Variants in OARD1 observed in about 807,000 individuals in gnomAD.
OARD1 encodes O-acyl-ADP-ribose deacylase 1.
A neutral mutation model predicts 19.7 loss-of-function variants in OARD1; 19 were observed. That is an observed-to-expected ratio of 0.96 (90% CI 0.67 to 1.41). The LOEUF (loss-of-function observed/expected upper bound fraction) is 1.41. Ranked by LOEUF, OARD1 falls within the 40% of genes most tolerant of loss-of-function variation. The pLI, the probability that OARD1 is intolerant of heterozygous loss-of-function variation, is 0.00. For synonymous variants in OARD1, 70 were observed against 61.8 expected (o/e 1.13, Z -0.62); for missense variants, 190 against 183.8 (o/e 1.03, Z -0.20).
chr6:41,070,460 T>C (rs79590971), intron 3 of OARD1, among the ~76,000 whole-genome samples: 3,207 of 152,354 alleles, frequency 0.021, 104 homozygotes, highest in African/African-American at 0.073. Flanking sequence ...TGTAGTTTTT[T>C]ACTTGCCAAA....
At position 41,066,102 on chromosome 6, in the gene OARD1, A is replaced by C. The variant is rs1762996802; in HGVS notation, c.*1233T>G. ...ATCTTCTATGGAGGTTAAAAACACAAAAGTGGCCATCCCACTCCACCACCA... is the reference window on the plus strand; with the variant it reads ...ATCTTCTATGGAGGTTAAAAACACACAAGTGGCCATCCCACTCCACCACCA... On this transcript the variant is annotated 3_prime_UTR_variant, in exon 6 of 6. Transcript: ENST00000424266. The C allele has an allele frequency of 6.6e-6, 1 of 152,180 alleles. No individual in the cohort carries two copies. The highest frequency in any genetic ancestry group is 1.5e-5 in the Non-Finnish European group (1 of 68,048). 9.4% of individuals were successfully genotyped at this position (152,180 alleles called of 1,614,324 possible).
At chr6:41,074,725 T>C (rs1763685175), upstream of OARD1, among the ~76,000 whole-genome samples, 1 of 152,186 alleles carries the variant, frequency 6.6e-6, no homozygotes, top group African/African-American at 2.4e-5. Flanking sequence ...TTGGAAACAG[T>C]TATTATTTTG....
At chr6:41,083,269 T>G (rs534465120) in intron 1 of OARD1, among the ~76,000 whole-genome samples, 2 of 152,340 alleles carry the variant, frequency 1.3e-5, no homozygotes, top group East Asian at 3.9e-4. Context: ...TCATAGGAGC[T>G]TGAAATTTGT....
In OARD1 at chr6:41,080,771, T is replaced by C. The variant is rs575168869; in HGVS notation, c.-41-9096A>G. 4.5e-6 allele frequency: 7 copies of C among 1,545,714 alleles called. 1 individual carries two copies. The African/African-American group carries it at 5.4e-5, about 12-fold the overall frequency. On this transcript the variant is annotated intron_variant, in intron 1 of 4. Coordinates refer to the OARD1 transcript ENST00000480585. ...TCTGTGTCTTGAACTACACATTTCC[T>C]TCCTGACATATTTCAAGCTCTTCCT...
chr6:41,095,243 C>G (rs1418592792), intron 1 of OARD1, among the ~76,000 whole-genome samples: 3 of 152,200 alleles, frequency 2.0e-5, no homozygotes, highest in African/African-American at 4.8e-5. Context: ...CTTACATGCT[C>G]CAGCTCCTGT....
At chr6:41,067,471 C>T (rs371492851) in intron 5 of OARD1, 34 bp from the exon 6 acceptor site, 23 of 1,416,708 alleles carry the variant, frequency 1.6e-5, no homozygotes, top group East Asian at 1.1e-4. Context: ...TTGATGGTAA[C>T]GAAAGTATCT....
Position 41,067,436 on chromosome 6 carries a change from T to C in OARD1, c.358A>G (p.Ile120Val). Residue 120 changes from isoleucine to valine, a missense_variant and splice_region_variant, in exon 6 of 6, where the codon ATT (isoleucine) becomes GTT (valine). Ile to Val is a conservative substitution (Grantham distance 29). Transcript: ENST00000424266. ...NGVTDLSMPRIGCGLDRLQWE... is the reference protein window; with the variant it reads ...NGVTDLSMPRVGCGLDRLQWE... ...TGCAGACGATCAAGACCACATCCAA[T>C]CCTGAAAAAGACAAAATATCTCCAT... The C allele has an allele frequency of 6.2e-7, 1 of 1,609,486 alleles. No individual in the cohort carries two copies. The highest frequency in any genetic ancestry group is 1.1e-5 in the South Asian group (1 of 90,916).
upstream of OARD1, among the ~76,000 whole-genome samples, chr6:41,073,945 G>GT (rs979523206): frequency 6.6e-6 from 1 of 151,496 alleles, no homozygotes; most frequent in African/African-American, 2.4e-5. Flanking sequence ...TGTCCGGGCT[G>GT]TAAGACCAGT....
chr6:41,092,998 G>A (rs1220558564), intron 1 of OARD1: 1 of 1,614,082 alleles, frequency 6.2e-7, no homozygotes, highest in South Asian at 1.1e-5. Context: ...CTCTCTACGT[G>A]AATGCCAAAC....
chr6:41,073,508 C>T (rs1157962994), upstream of OARD1, among the ~76,000 whole-genome samples: 3 of 152,044 alleles, frequency 2.0e-5, no homozygotes, highest in Non-Finnish European at 4.4e-5. Context: ...TTAAACCTGC[C>T]CTTGCACTCT....
upstream of OARD1, among the ~76,000 whole-genome samples, chr6:41,076,499 G>A (rs1763735887): frequency 6.6e-6 from 1 of 152,206 alleles, no homozygotes; most frequent in Admixed American, 6.5e-5. Context: ...AGTTTCTGAA[G>A]AGGTTTTAGC....
At position 41,071,193 on chromosome 6, in the gene OARD1, GC is replaced by G; in HGVS notation, c.122del (p.Gly41AlafsTer4). On this transcript the variant is annotated frameshift_variant, in exon 3 of 6. Transcript: ENST00000424266. LOFTEE classifies it high-confidence loss of function. The part of the protein sequence containing the change: ...AHCISEDCRM[G>X]AGIAVLFKKK... ...TCTTAAAGAGGACAGCTATCCCAGC[GC>G]CCATGCGACAATCCTCACTGATACA... 1 of 1,614,078 alleles carries G rather than the reference GC, an allele frequency of 6.2e-7. No homozygotes were observed. Among genetic ancestry groups the G allele is most frequent in the Non-Finnish European group, 8.5e-7 (1 of 1,179,946 alleles).
chr6:41,067,562 C>T (rs975462284), intron 5 of OARD1, 125 bp from the exon 6 acceptor site: 6 of 619,136 alleles, frequency 9.7e-6, no homozygotes, highest in Non-Finnish European at 1.7e-5. Context: ...TTATGGGCAA[C>T]CATGGTAGGA....
intron 1 of OARD1, chr6:41,094,472 A>G (rs1373167696): frequency 2.5e-6 from 4 of 1,614,052 alleles, no homozygotes; most frequent in Non-Finnish European, 8.5e-7. Context: ...TTCTCTCCAA[A>G]GGAAAAGGAT....
intron 1 of OARD1, among the ~76,000 whole-genome samples, chr6:41,089,886 G>A (rs533891773): frequency 2.6e-5 from 4 of 152,316 alleles, no homozygotes; most frequent in African/African-American, 9.6e-5. Flanking sequence ...TTGAGAGGCC[G>A]AGGCAAGCTG....
rs770933579 is a variant in OARD1 at position 41,067,393 on chromosome 6, G to A, written c.401C>T (p.Ala134Val). Residue 134 changes from alanine to valine, a missense_variant, in exon 6 of 6, where the codon GCG (alanine) becomes GTG (valine). Physicochemically the swap from Ala to Val is moderately conservative, Grantham distance 64. Transcript: ENST00000424266. ...LDRLQWENVS[A>V]MIEEVFEATD... Reference sequence around the variant, plus strand: ...TGCCTCAAATACCTCCTCGATCATCGCAGATACATTTTCCCATTGCAGACG... The same window carrying A: ...TGCCTCAAATACCTCCTCGATCATCACAGATACATTTTCCCATTGCAGACG... The A allele has an allele frequency of 3.1e-6, 5 of 1,613,456 alleles. No individual in the cohort carries two copies. The highest frequency in any genetic ancestry group is 1.1e-5 in the South Asian group (1 of 91,062).
intron 1 of OARD1, among the ~76,000 whole-genome samples, chr6:41,090,500 T>A (rs937221972): frequency 6.6e-6 from 1 of 152,202 alleles, no homozygotes; most frequent in Non-Finnish European, 1.5e-5. Flanking sequence ...AGTGATTCCA[T>A]GTGTAGCAGT....
intron 4 of OARD1, 72 bp from the exon 5 acceptor site, chr6:41,069,025 C>T (rs921181095): frequency 2.6e-6 from 2 of 755,402 alleles, no homozygotes; most frequent in Non-Finnish European, 4.4e-6. Flanking sequence ...ATTCCCCCAA[C>T]ATCCCAATAA....
chr6:41,090,146 C>A (rs1233835541), intron 1 of OARD1: 3 of 1,171,712 alleles, frequency 2.6e-6, no homozygotes, highest in African/African-American at 3.1e-5. Context: ...AGGACTACAT[C>A]GTTCTTTGTT....
Sources: gnomAD v4.1 joint callset for allele counts (sites outside exome capture counted in the v4.1 genomes callset) on GRCh38, gnomAD v4.1.1 for gene constraint, MANE v1.5 for transcripts, NCBI Gene and HGNC (gene_info 2026-07-23, HGNC 2026-07-21) for gene names.